Variants in PLXNA4 observed in about 807,000 individuals in gnomAD.
The protein encoded by PLXNA4 is plexin A4, also known as plexin-A4.
A neutral mutation model predicts 191.8 loss-of-function variants in PLXNA4; 44 were observed. That is an observed-to-expected ratio of 0.23 (90% CI 0.18 to 0.29). The LOEUF (loss-of-function observed/expected upper bound fraction) is 0.29. Ranked by LOEUF, PLXNA4 falls within the 10% of genes least tolerant of loss-of-function variation. The pLI, the probability that PLXNA4 is intolerant of heterozygous loss-of-function variation, is 1.00. For missense variants in PLXNA4, 1,800 were observed against 2,488.8 expected, an observed-to-expected ratio of 0.72 and a Z score of 5.89; for synonymous variants, 1,082 against 1,009.5, an observed-to-expected ratio of 1.07 and a Z score of -1.36.
In PLXNA4 at chr7:132,535,759, G is replaced by A. The variant is rs185577915; in HGVS notation, c.-86-26980C>T. Among the ~76,000 whole-genome samples, 788 of 137,606 alleles carry A rather than the reference G, an allele frequency of 5.7e-3. 3 individuals carry two copies. Among genetic ancestry groups the A allele is most frequent in the Middle Eastern group, 0.046 (13 of 280 alleles). 90.3% of individuals were successfully genotyped at this position (137,606 alleles called of 152,430 possible). On this transcript the variant is annotated intron_variant, in intron 1 of 31. Transcript: ENST00000321063. ...GGCCACACAGGCAGGATCTTTTCCC[G>A]ATGATTGAAAAATCAAGGCATCTTC...
upstream of PLXNA4, among the ~76,000 whole-genome samples, chr7:132,580,105 A>G (rs1486476626): frequency 6.6e-6 from 1 of 152,194 alleles, no homozygotes; most frequent in East Asian, 1.9e-4. Flanking sequence ...CATTCAAAGG[A>G]CATACCATCT....
rs527765570 is a variant in PLXNA4, at chr7:132,427,536, C to A, written c.1371+61756G>T. ...ATTGTGGGGGCCCTCACCTCCACCC[C>A]TAAAAGAATTGAACCTGGGCTAGCT... On this transcript the variant is annotated intron_variant, in intron 3 of 31. Coordinates refer to ENST00000321063, the MANE Select transcript of PLXNA4 (RefSeq NM_020911.2). Among the ~76,000 whole-genome samples, 5 of 152,338 alleles carry A rather than the reference C, an allele frequency of 3.3e-5. No individual in the cohort carries two copies. In the East Asian group the frequency reaches 9.7e-4, roughly 29 times the overall value.
rs576934676 is a variant in PLXNA4, at chr7:132,507,160, C to T, written c.1188+346G>A. ...TGTACGTGTCTTGCACTACAGCACACTGTGATCTAGACTCCAGCCATGCCC... is the reference window on the plus strand; with the variant it reads ...TGTACGTGTCTTGCACTACAGCACATTGTGATCTAGACTCCAGCCATGCCC... On this transcript the variant is annotated intron_variant, in intron 2 of 31. Coordinates refer to ENST00000321063, the MANE Select transcript of PLXNA4 (RefSeq NM_020911.2). Among the ~76,000 whole-genome samples the T allele has an allele frequency of 2.0e-5, 3 of 152,258 alleles. No homozygotes were observed. In the South Asian group the frequency reaches 6.2e-4, roughly 32 times the overall value.
chr7:132,564,278 CCTCCTCCTCCTTCTGCTG>C (rs1801605396), intron 1 of PLXNA4, among the ~76,000 whole-genome samples: 1 of 141,994 alleles, frequency 7.0e-6, no homozygotes, highest in African/African-American at 2.7e-5. Flanking sequence ...TCCTTTTCCT[CCTCCTCCTCCTTCTGCTG>C]CTCCTCCTCC....
intron 3 of PLXNA4, among the ~76,000 whole-genome samples, chr7:132,441,289 C>T (rs745897005): frequency 3.9e-5 from 6 of 152,152 alleles, no homozygotes; most frequent in East Asian, 1.9e-4. Flanking sequence ...CCTTTGTCAA[C>T]GAACTTGTCA....
intron 3 of PLXNA4, among the ~76,000 whole-genome samples, chr7:132,485,447 C>T (rs1341857906): frequency 6.6e-6 from 1 of 152,110 alleles, no homozygotes; most frequent in African/African-American, 2.4e-5. Context: ...GAACAGCAGC[C>T]ATAAAAATGA....
intron 4 of PLXNA4, among the ~76,000 whole-genome samples, chr7:132,292,607 C>G (rs1163022405): frequency 6.6e-6 from 1 of 152,196 alleles, no homozygotes; most frequent in African/African-American, 2.4e-5. Context: ...GTCCAAAGCT[C>G]ATTCACTCAT....
At position 132,280,733 on chromosome 7, in the gene PLXNA4, A is replaced by G. The variant is rs563209871; in HGVS notation, c.1503+17358T>C. Among the ~76,000 whole-genome samples the G allele has an allele frequency of 5.3e-5, 8 of 152,336 alleles. No individual in the cohort carries two copies. The East Asian group carries it at 1.5e-3, about 29-fold the overall frequency. ...ATAGACTTTGAGCTGAGTCTACACA[A>G]CAAACTCTTGGTACAAAGGAAATTG... On this transcript the variant is annotated intron_variant, in intron 4 of 31. Coordinates refer to ENST00000321063, the MANE Select transcript of PLXNA4 (RefSeq NM_020911.2).
chr7:132,246,417 C>T (rs370417445), intron 4 of PLXNA4, among the ~76,000 whole-genome samples: 1 of 152,142 alleles, frequency 6.6e-6, no homozygotes, highest in Non-Finnish European at 1.5e-5. Context: ...AAAAATAATG[C>T]CATAGCCTTG....
chr7:132,526,211 T>C (rs999680624), intron 1 of PLXNA4, among the ~76,000 whole-genome samples: 1 of 152,172 alleles, frequency 6.6e-6, no homozygotes, highest in Admixed American at 6.5e-5. Context: ...GCGAGTGGTA[T>C]AGACTGCACT....
At chr7:132,324,652 G>A (rs1802293070) in intron 3 of PLXNA4, among the ~76,000 whole-genome samples, 1 of 152,208 alleles carries the variant, frequency 6.6e-6, no homozygotes, top group Non-Finnish European at 1.5e-5. Flanking sequence ...GGAAGGGAAT[G>A]AGGGTCGGCT....
intron 1 of PLXNA4, among the ~76,000 whole-genome samples, chr7:132,558,442 G>C (rs1222500445): frequency 6.6e-6 from 1 of 152,100 alleles, no homozygotes; most frequent in Non-Finnish European, 1.5e-5. Flanking sequence ...ACAAATCCTA[G>C]ATGTAAATAA....
chr7:132,607,790 T>C (rs1033575424), intron 2 of PLXNA4, among the ~76,000 whole-genome samples: 12 of 151,550 alleles, frequency 7.9e-5, no homozygotes, highest in Non-Finnish European at 1.3e-4. Context: ...ATCACCACCA[T>C]CATCATCATC....
At chr7:132,338,574 T>G (rs963116439) in intron 3 of PLXNA4, among the ~76,000 whole-genome samples, 1 of 152,236 alleles carries the variant, frequency 6.6e-6, no homozygotes, top group Non-Finnish European at 1.5e-5. Context: ...ACACAGTGAT[T>G]AACATTTTCA....
chr7:132,423,207 G>A (rs1001108858), intron 3 of PLXNA4, among the ~76,000 whole-genome samples: 2 of 152,194 alleles, frequency 1.3e-5, no homozygotes, highest in African/African-American at 2.4e-5. Flanking sequence ...ACTGTGCTGG[G>A]TACTTTGCAT....
intron 2 of PLXNA4, among the ~76,000 whole-genome samples, chr7:132,597,774 A>C (rs888697364): frequency 1.3e-5 from 2 of 152,080 alleles, no homozygotes; most frequent in African/African-American, 4.8e-5. Flanking sequence ...ATATAATGTC[A>C]TATGCTTCAT....
At position 132,408,073 on chromosome 7, in the gene PLXNA4, A is replaced by G. The variant is rs560724272; in HGVS notation, c.1371+81219T>C. Among the ~76,000 whole-genome samples the G allele has an allele frequency of 4.3e-4, 65 of 152,332 alleles. 1 individual carries two copies. Among genetic ancestry groups the G allele is most frequent in the African/African-American group, 1.5e-3 (61 of 41,586 alleles). ...AAGACCTTTATGCACAATAATTTTC[A>G]TATCAGCATTATTTATAATTTAAAA... On this transcript the variant is annotated intron_variant, in intron 3 of 31. Coordinates refer to ENST00000321063, the MANE Select transcript of PLXNA4 (RefSeq NM_020911.2).
intron 3 of PLXNA4, among the ~76,000 whole-genome samples, chr7:132,304,327 C>G (rs1801427772): frequency 6.6e-6 from 1 of 152,084 alleles, no homozygotes; most frequent in Admixed American, 6.5e-5. Context: ...GTAGATAGTT[C>G]CAGAACAGCA....
intron 3 of PLXNA4, among the ~76,000 whole-genome samples, chr7:132,307,653 T>C (rs1215224331): frequency 6.6e-6 from 1 of 152,030 alleles, no homozygotes; most frequent in African/African-American, 2.4e-5. Context: ...GGCCGGTAGG[T>C]GCCCTGTTTC....
Sources: gnomAD v4.1 joint callset for allele counts (sites outside exome capture counted in the v4.1 genomes callset) on GRCh38, gnomAD v4.1.1 for gene constraint, MANE v1.5 for transcripts, NCBI Gene and HGNC (gene_info 2026-07-23, HGNC 2026-07-21) for gene names.